Variants in PIGU observed in about 807,000 individuals in gnomAD.
PIGU encodes the protein GPI-anchor transamidase component PIGU.
Under a neutral mutation model 49.9 loss-of-function variants are expected in PIGU, and 24 were observed. That is an observed-to-expected ratio of 0.48 (90% CI 0.35 to 0.68). The LOEUF (loss-of-function observed/expected upper bound fraction) is 0.68, where lower values mean the gene tolerates loss of function less well. Ranked by LOEUF, PIGU falls within the 30% of genes least tolerant of loss-of-function variation. The pLI is 0.01. For missense variants in PIGU, 490 were observed against 532.6 expected, an observed-to-expected ratio of 0.92 and a Z score of 0.79; for synonymous variants, 220 against 205.7, an observed-to-expected ratio of 1.07 and a Z score of -0.59.
intron 7 of PIGU, among the ~76,000 whole-genome samples, chr20:34,607,143 C>A (rs549202215): frequency 1.5e-4 from 23 of 152,324 alleles, no homozygotes; most frequent in African/African-American, 5.5e-4. Flanking sequence ...AATGCAAATG[C>A]AAATACATTG....
At chr20:34,601,180 GT>G (rs1156751291) in intron 7 of PIGU, among the ~76,000 whole-genome samples, 3 of 152,100 alleles carry the variant, frequency 2.0e-5, no homozygotes, top group African/African-American at 7.2e-5. Flanking sequence ...TCGACCTAAA[GT>G]GCTCTCAGTG....
Position 34,664,770 on chromosome 20 carries a change from G to A in PIGU, c.131-7526C>T, listed in dbSNP as rs548940553. On this transcript the variant is annotated intron_variant, in intron 1 of 11. Coordinates refer to ENST00000217446, the MANE Select transcript of PIGU (RefSeq NM_080476.5). Reference sequence around the variant, plus strand: ...TTTGAGAGGCCAAGGAGGGTATATCGCTTGAGCTCAGGAATTCGAGACTGG... The same window carrying A: ...TTTGAGAGGCCAAGGAGGGTATATCACTTGAGCTCAGGAATTCGAGACTGG... Among the ~76,000 whole-genome samples the A allele has an allele frequency of 1.4e-4, 22 of 152,124 alleles. No individual in the cohort carries two copies. In the South Asian group the frequency reaches 4.2e-3, roughly 29 times the overall value.
intron 7 of PIGU, among the ~76,000 whole-genome samples, chr20:34,589,416 C>T (rs1311151514): frequency 1.3e-5 from 2 of 152,214 alleles, no homozygotes; most frequent in Non-Finnish European, 1.5e-5. Context: ...TGCAGTGGCA[C>T]GATCTCGGCT....
At chr20:34,659,762 A>C (rs528049193) in intron 1 of PIGU, among the ~76,000 whole-genome samples, 1 of 152,114 alleles carries the variant, frequency 6.6e-6, no homozygotes, top group African/African-American at 2.4e-5. Context: ...CCCCAACCCC[A>C]TGCTCTCTGA....
chr20:34,650,700 C>CTTTTT (rs59998699), intron 2 of PIGU, among the ~76,000 whole-genome samples: 38 of 38,800 alleles, frequency 9.8e-4, no homozygotes, highest in East Asian at 1.8e-3. Context: ...CTTTTTTTCT[C>CTTTTT]TTTTTTTTTT....
chr20:34,650,700 C>CTTTTTTTTTTTTTTTTT lies in PIGU; in HGVS notation c.196-5383_196-5367dup, dbSNP rs59998699. Reference sequence around the variant, plus strand: ...AATTTTTTTCCTTTTCTTTTTTTCTCTTTTTTTTTTTTTTTTTTTTTTTTT... The same window carrying CTTTTTTTTTTTTTTTTT: ...AATTTTTTTCCTTTTCTTTTTTTCTCTTTTTTTTTTTTTTTTTTTTTTTTTTTTTTTTTTTTTTTTTT... On this transcript the variant is annotated intron_variant, in intron 2 of 11. Transcript: ENST00000217446. Among the ~76,000 whole-genome samples the CTTTTTTTTTTTTTTTTT allele has an allele frequency of 3.8e-3, 148 of 38,798 alleles. 38 individuals are homozygous for CTTTTTTTTTTTTTTTTT. Among genetic ancestry groups the CTTTTTTTTTTTTTTTTT allele is most frequent in the Non-Finnish European group, 4.5e-3 (102 of 22,820 alleles). The allele number at this position is 38,798 out of a possible 152,430, so 25.5% of individuals were successfully genotyped here.
intron 1 of PIGU, among the ~76,000 whole-genome samples, chr20:34,676,164 T>G (rs1318682451): frequency 1.3e-5 from 2 of 152,136 alleles, no homozygotes; most frequent in Non-Finnish European, 2.9e-5. Flanking sequence ...TTCTGCTACC[T>G]GGAACTCTCC....
At chr20:34,616,319 T>A (rs1200641576) in intron 6 of PIGU, among the ~76,000 whole-genome samples, 180 bp from the exon 7 acceptor site, 1 of 152,092 alleles carries the variant, frequency 6.6e-6, no homozygotes, top group Non-Finnish European at 1.5e-5. Context: ...TGATTTCCAA[T>A]GAAAGGAAAC....
intron 7 of PIGU, among the ~76,000 whole-genome samples, chr20:34,614,075 C>T (rs1457039608): frequency 5.9e-5 from 9 of 152,202 alleles, no homozygotes; most frequent in African/African-American, 1.7e-4. Flanking sequence ...GCAGAAGGAT[C>T]GCTTGAACCT....
intron 7 of PIGU, among the ~76,000 whole-genome samples, chr20:34,591,383 C>A (rs938884580): frequency 2.0e-5 from 3 of 152,072 alleles, no homozygotes; most frequent in Non-Finnish European, 4.4e-5. Flanking sequence ...AAAAATGAAG[C>A]ACATTTCACA....
Position 34,656,875 on chromosome 20 carries a change from T to C in PIGU, c.195+305A>G, listed in dbSNP as rs563732841. On this transcript the variant is annotated intron_variant, in intron 2 of 11. Transcript: ENST00000217446. ...GGGAAATCATATTCCAAACAACAAATTACATGCTAATTAGCATACAACCTA... is the reference window on the plus strand; with the variant it reads ...GGGAAATCATATTCCAAACAACAAACTACATGCTAATTAGCATACAACCTA... 4.6e-5 allele frequency among the ~76,000 whole-genome samples: 7 copies of C among 152,182 alleles called. No individual in the cohort carries two copies. The South Asian group carries it at 1.0e-3, about 22-fold the overall frequency.
At chr20:34,602,575 C>A (rs4911433) in intron 7 of PIGU, among the ~76,000 whole-genome samples, 1 of 151,688 alleles carries the variant, frequency 6.6e-6, no homozygotes, top group East Asian at 1.9e-4. Context: ...CCAGCCTGGG[C>A]GACACAGCAA....
At chr20:34,565,352 A>G (rs1792227912) in intron 11 of PIGU, among the ~76,000 whole-genome samples, 1 of 152,000 alleles carries the variant, frequency 6.6e-6, no homozygotes, top group Non-Finnish European at 1.5e-5. Flanking sequence ...CCGCGGTTCA[A>G]GTGATTCTCC....
Position 34,571,866 on chromosome 20 carries a change from G to T in PIGU, c.1194+3238C>A, listed in dbSNP as rs144693597. On this transcript the variant is annotated intron_variant, in intron 11 of 11. Coordinates refer to ENST00000217446, the MANE Select transcript of PIGU (RefSeq NM_080476.5). ...CTCTCTTACCTCAGTCAGCGCTCTG[G>T]GACAAGGACATGCCTCGAGTGACTG... 2.7e-3 allele frequency among the ~76,000 whole-genome samples: 416 copies of T among 152,288 alleles called. 1 individual carries two copies. Among genetic ancestry groups the T allele is most frequent in the Middle Eastern group, 6.8e-3 (2 of 294 alleles).
intron 6 of PIGU, among the ~76,000 whole-genome samples, chr20:34,621,025 G>A (rs1446948112): frequency 1.3e-5 from 2 of 151,948 alleles, no homozygotes; most frequent in South Asian, 2.1e-4. Context: ...AGCTGACTCC[G>A]GTACCCACTC....
intron 7 of PIGU, among the ~76,000 whole-genome samples, chr20:34,602,106 A>T (rs1984446466): frequency 1.3e-5 from 2 of 151,864 alleles, no homozygotes; most frequent in Non-Finnish European, 2.9e-5. Context: ...ACATGGTGAA[A>T]ACCCGTCTCC....
intron 6 of PIGU, among the ~76,000 whole-genome samples, chr20:34,624,904 A>G (rs989952350): frequency 6.6e-6 from 1 of 152,168 alleles, no homozygotes; most frequent in Non-Finnish European, 1.5e-5. Flanking sequence ...GGGGAAAGCA[A>G]GCAGCAAGAG....
intron 6 of PIGU, among the ~76,000 whole-genome samples, chr20:34,632,104 GTGCTAGGATTACAGGCT>G (rs1396621138): frequency 2.0e-5 from 3 of 151,402 alleles, no homozygotes; most frequent in Admixed American, 6.6e-5. Context: ...GCCTCCCAAA[GTGCTAGGATTACAGGCT>G]TGAGCCACTG....
chr20:34,669,965 A>G (rs539647772), intron 1 of PIGU, among the ~76,000 whole-genome samples: 6 of 152,300 alleles, frequency 3.9e-5, no homozygotes, highest in African/African-American at 1.4e-4. Flanking sequence ...CATTTGAGTA[A>G]TAAAACTTTT....
Sources: gnomAD v4.1 joint callset for allele counts (sites outside exome capture counted in the v4.1 genomes callset) on GRCh38, gnomAD v4.1.1 for gene constraint, MANE v1.5 for transcripts, NCBI Gene and HGNC (gene_info 2026-07-23, HGNC 2026-07-21) for gene names.